CDH11: variants seen among roughly 807,000 people sequenced by gnomAD.
CDH11 encodes the protein cadherin 11, also known as cadherin-11.
In CDH11, 11 loss-of-function variants were observed where a neutral mutation model predicts 67.8. The observed-to-expected ratio is 0.16, with a 90% confidence interval of 0.10 to 0.27. The LOEUF (loss-of-function observed/expected upper bound fraction) is 0.27, where lower values mean the gene tolerates loss of function less well. CDH11 is among the 10% of genes least tolerant of loss of function. The pLI is 1.00. For synonymous variants in CDH11, 419 were observed against 400.0 expected (o/e 1.05, Z -0.57); for missense variants, 847 against 1,031.2 (o/e 0.82, Z 2.45).
chr16:64,996,256 G>A (rs2072760586), intron 4 of CDH11, among the ~76,000 whole-genome samples: 1 of 152,104 alleles, frequency 6.6e-6, no homozygotes, highest in Non-Finnish European at 1.5e-5. Flanking sequence ...TTGGGAGGAC[G>A]AGGTGAGCAG....
chr16:65,037,770 G>A (rs1319180663), intron 2 of CDH11, among the ~76,000 whole-genome samples: 1 of 151,986 alleles, frequency 6.6e-6, no homozygotes, highest in African/African-American at 2.4e-5. Context: ...AGAAACCCAA[G>A]AGGAGCCTGG....
intron 4 of CDH11, among the ~76,000 whole-genome samples, chr16:64,996,491 G>GAAAAA (rs34268273): frequency 7.4e-6 from 1 of 135,136 alleles, no homozygotes; most frequent in Non-Finnish European, 1.6e-5. Flanking sequence ...CTCTGTCTCA[G>GAAAAA]AAAAAAAAAA....
At chr16:65,113,547 T>C (rs1481054206) in intron 1 of CDH11, among the ~76,000 whole-genome samples, 1 of 152,042 alleles carries the variant, frequency 6.6e-6, no homozygotes, top group Non-Finnish European at 1.5e-5. Context: ...TTAGAGAAAG[T>C]AGTGGTTCGA....
At chr16:64,948,225 A>G in intron 12 of CDH11, 126 bp from the exon 13 acceptor site, 1 of 1,247,940 alleles carries the variant, frequency 8.0e-7, no homozygotes, top group South Asian at 1.5e-5. Flanking sequence ...CAGTATAGGA[A>G]ATGAGAGCTT....
At chr16:64,970,945 G>A (rs1413651188) in intron 11 of CDH11, among the ~76,000 whole-genome samples, 2 of 152,144 alleles carry the variant, frequency 1.3e-5, no homozygotes, top group Admixed American at 6.6e-5. Flanking sequence ...TCTAGGGACT[G>A]CATCAGGTCT....
chr16:65,093,926 C>T (rs1325867804), intron 1 of CDH11, among the ~76,000 whole-genome samples: 1 of 152,180 alleles, frequency 6.6e-6, no homozygotes, highest in Non-Finnish European at 1.5e-5. Context: ...AGAACCAACT[C>T]TGCCTTAATA....
At chr16:64,950,623 C>T in intron 12 of CDH11, 144 bp downstream of exon 12, 1 of 937,446 alleles carries the variant, frequency 1.1e-6, no homozygotes, top group Non-Finnish European at 1.5e-6. Flanking sequence ...CCCACCCCGC[C>T]CCCGTACCCC....
chr16:65,016,855 A>C (rs2073320951), intron 2 of CDH11, among the ~76,000 whole-genome samples: 3 of 152,156 alleles, frequency 2.0e-5, no homozygotes, highest in African/African-American at 7.2e-5. Context: ...ATGCTAAACA[A>C]AGGGGGTATC....
chr16:64,955,390 G>A (rs1328417213), intron 11 of CDH11, among the ~76,000 whole-genome samples: 3 of 152,066 alleles, frequency 2.0e-5, no homozygotes, highest in Non-Finnish European at 1.5e-5. Flanking sequence ...CCGAGATTGT[G>A]CCACTGCACT....
chr16:65,109,633 A>G (rs1597206844), intron 1 of CDH11, among the ~76,000 whole-genome samples: 1 of 152,248 alleles, frequency 6.6e-6, no homozygotes, highest in South Asian at 2.1e-4. Flanking sequence ...GAGAGTTCCT[A>G]TGTATTCCAG....
At chr16:65,029,957 T>G (rs1019936019) in intron 2 of CDH11, among the ~76,000 whole-genome samples, 3 of 152,186 alleles carry the variant, frequency 2.0e-5, no homozygotes, top group African/African-American at 7.2e-5. Flanking sequence ...TTATGTCTCA[T>G]GATAAACCAA....
At chr16:65,105,785 T>C (rs954268419) in intron 1 of CDH11, among the ~76,000 whole-genome samples, 2 of 152,102 alleles carry the variant, frequency 1.3e-5, no homozygotes, top group Non-Finnish European at 2.9e-5. Context: ...CAGAAAGAAA[T>C]GTTAATCGAA....
intron 4 of CDH11, among the ~76,000 whole-genome samples, chr16:64,996,584 C>A (rs190243757): frequency 7.4e-4 from 112 of 152,188 alleles, no homozygotes; most frequent in Admixed American, 2.7e-3. Flanking sequence ...AAGAAAAACG[C>A]CTGCACTTGT....
rs559803626 is a variant in CDH11, at chr16:64,946,449, T to C, written c.*1154A>G. 1.9e-6 allele frequency: 2 copies of C among 1,032,808 alleles called. No homozygotes were observed. Among genetic ancestry groups the C allele is most frequent in the East Asian group, 6.1e-5 (1 of 16,434 alleles). 64.0% of individuals were successfully genotyped at this position (1,032,808 alleles called of 1,614,324 possible). On this transcript the variant is annotated 3_prime_UTR_variant, in exon 13 of 13. Transcript: ENST00000268603. ...TCTCTCATAACCATCAAATTACTGA[T>C]ATACAAGATAAATGCATACTATATA...
intron 1 of CDH11, among the ~76,000 whole-genome samples, chr16:65,066,721 G>C (rs1383070967): frequency 6.6e-6 from 1 of 152,156 alleles, no homozygotes; most frequent in African/African-American, 2.4e-5. Flanking sequence ...TGAACATTTT[G>C]TTGTTTTAAG....
In CDH11 at chr16:64,982,471, T is replaced by G; in HGVS notation, c.1000-170A>C. 4.9e-6 allele frequency: 3 copies of G among 606,852 alleles called. No homozygotes were observed. In the South Asian group the frequency reaches 6.2e-5, roughly 13 times the overall value. 37.6% of individuals were successfully genotyped at this position (606,852 alleles called of 1,614,324 possible). On this transcript the variant is annotated intron_variant, in intron 7 of 12. Transcript: ENST00000268603. ...TGGTCAGAAAATCACACAAATCAATTGCTGAAACCTAGAATGTGCTTAATG... is the reference window on the plus strand; with the variant it reads ...TGGTCAGAAAATCACACAAATCAATGGCTGAAACCTAGAATGTGCTTAATG...
intron 2 of CDH11, among the ~76,000 whole-genome samples, chr16:65,021,567 C>CACAT (rs1347879447): frequency 1.4e-5 from 1 of 72,808 alleles, no homozygotes; most frequent in Non-Finnish European, 3.5e-5. Context: ...CACACACACA[C>CACAT]ACATATATAT....
rs896890446 is a variant in CDH11 at position 64,999,107 on chromosome 16, C to G, written c.229-251G>C. ...AATTCTAAGATTCATGCTCTCCTTT[C>G]ACCTCTCTCCATATATATGCGCATA... On this transcript the variant is annotated intron_variant, in intron 3 of 12. Coordinates refer to ENST00000268603, the MANE Select transcript of CDH11 (RefSeq NM_001797.4). 2.6e-5 allele frequency among the ~76,000 whole-genome samples: 4 copies of G among 152,292 alleles called. No homozygotes were observed. In the East Asian group the frequency reaches 7.7e-4, roughly 29 times the overall value.
chr16:64,965,765 G>A (rs1195299239), intron 11 of CDH11, among the ~76,000 whole-genome samples: 3 of 138,562 alleles, frequency 2.2e-5, no homozygotes, highest in Non-Finnish European at 4.6e-5. Flanking sequence ...GTTATGCGGT[G>A]CATGAAACAC....
Sources: allele counts gnomAD v4.1 joint callset (sites outside exome capture counted in the v4.1 genomes callset), GRCh38; gene constraint gnomAD v4.1.1; transcripts MANE v1.5; gene names NCBI Gene and HGNC (gene_info 2026-07-23, HGNC 2026-07-21).